The following IQCM variants were observed in gnomAD, a reference collection of about 807,000 sequenced individuals.
IQCM encodes IQ domain-containing protein M.
IQCM carries 45 observed loss-of-function variants against 57.6 expected under a neutral mutation model. The observed-to-expected ratio is 0.78, with a 90% CI of 0.62 to 1.00. IQCM has a LOEUF of 1.00. IQCM is among the 50% of genes least tolerant of loss of function. IQCM has a pLI of 0.00. For missense variants in IQCM, 468 were observed against 511.6 expected (o/e 0.91, Z 0.82); for synonymous variants, 148 against 158.9 (o/e 0.93, Z 0.51).
chr4:149,694,361 A>G (rs1211379833), intron 5 of IQCM, among the ~76,000 whole-genome samples: 2 of 149,352 alleles, frequency 1.3e-5, no homozygotes, highest in Non-Finnish European at 3.0e-5. Context: ...AGTAGCTGGG[A>G]CTACAGGCGC....
At chr4:149,362,445 GGGACCCATGGGGA>G (rs1159698000) in intron 13 of IQCM, among the ~76,000 whole-genome samples, 6 of 152,226 alleles carry the variant, frequency 3.9e-5, no homozygotes, top group Middle Eastern at 3.4e-3. Flanking sequence ...TGTTGTGGGA[GGGACCCATGGGGA>G]GGTAATTGAA....
At chr4:149,730,056 C>T (rs894432808) in intron 5 of IQCM, among the ~76,000 whole-genome samples, 3 of 152,150 alleles carry the variant, frequency 2.0e-5, no homozygotes, top group African/African-American at 7.2e-5. Context: ...TCAGTAGGTA[C>T]ATGGTCTAGA....
chr4:149,724,466 CTCTT>C (rs1449632145), intron 5 of IQCM, among the ~76,000 whole-genome samples: 2 of 151,852 alleles, frequency 1.3e-5, no homozygotes, highest in Admixed American at 6.6e-5. Flanking sequence ...TAAACACTCT[CTCTT>C]TCTCTCTCTC....
chr4:149,661,151 G>C (rs1760168085), intron 7 of IQCM, among the ~76,000 whole-genome samples: 1 of 151,990 alleles, frequency 6.6e-6, no homozygotes, highest in Non-Finnish European at 1.5e-5. Flanking sequence ...AATTTGTTGA[G>C]AGTTTTTATC....
intron 13 of IQCM, among the ~76,000 whole-genome samples, chr4:149,368,761 T>C (rs1269406761): frequency 2.3e-4 from 27 of 116,668 alleles, no homozygotes; most frequent in Middle Eastern, 4.7e-3. Context: ...TACATGTATA[T>C]ATATATATAC....
intron 2 of IQCM, among the ~76,000 whole-genome samples, chr4:149,761,940 G>T (rs948007565): frequency 6.6e-6 from 1 of 151,980 alleles, no homozygotes; most frequent in Non-Finnish European, 1.5e-5. Flanking sequence ...TTTATGAAAA[G>T]AGTTATATGA....
intron 8 of IQCM, among the ~76,000 whole-genome samples, chr4:149,596,992 C>A (rs940923662): frequency 6.6e-6 from 1 of 151,852 alleles, no homozygotes; most frequent in Non-Finnish European, 1.5e-5. Context: ...ATATTCAGAA[C>A]CTCAAAGACT....
chr4:149,607,170 A>G (rs560696632), intron 8 of IQCM, among the ~76,000 whole-genome samples: 1 of 152,294 alleles, frequency 6.6e-6, no homozygotes, highest in South Asian at 2.1e-4. Flanking sequence ...AGTAAAAGAA[A>G]AAAAAAGCAA....
At chr4:149,557,808 T>C (rs1301260928) in intron 10 of IQCM, among the ~76,000 whole-genome samples, 2 of 152,246 alleles carry the variant, frequency 1.3e-5, no homozygotes, top group South Asian at 4.1e-4. Context: ...GTCCGTATAA[T>C]ATGGATTATC....
At chr4:149,813,437 G>A (rs777363292) in intron 2 of IQCM, among the ~76,000 whole-genome samples, 6 of 152,098 alleles carry the variant, frequency 3.9e-5, no homozygotes, top group Non-Finnish European at 5.9e-5. Flanking sequence ...TGGACAAGAA[G>A]TAATTGAAGT....
chr4:149,405,871 C>CATATAT (rs1416070491), intron 13 of IQCM, among the ~76,000 whole-genome samples: 1 of 93,998 alleles, frequency 1.1e-5, no homozygotes, highest in Admixed American at 1.4e-4. Context: ...TATCTCTCTC[C>CATATAT]ATATATATAT....
intron 2 of IQCM, chr4:149,793,555 T>C (rs897416268): frequency 2.0e-5 from 3 of 152,188 alleles, no homozygotes; most frequent in African/African-American, 7.2e-5. Flanking sequence ...ATGAATTTGC[T>C]TTTAGTTTTT....
At chr4:149,792,137 T>C (rs1772681129) in intron 2 of IQCM, among the ~76,000 whole-genome samples, 1 of 152,172 alleles carries the variant, frequency 6.6e-6, no homozygotes, top group African/African-American at 2.4e-5. Context: ...TGCCACTTTT[T>C]AATGTATGAT....
At chr4:149,435,341 G>A (rs991971054) in intron 12 of IQCM, among the ~76,000 whole-genome samples, 1 of 151,988 alleles carries the variant, frequency 6.6e-6, no homozygotes, top group Non-Finnish European at 1.5e-5. Flanking sequence ...ACAAAACGGA[G>A]CTAAAATGCC....
At chr4:149,732,246 A>G (rs1379509623) in intron 5 of IQCM, among the ~76,000 whole-genome samples, 1 of 152,076 alleles carries the variant, frequency 6.6e-6, no homozygotes, top group African/African-American at 2.4e-5. Context: ...ATTTCCTACC[A>G]CATCTCTCCC....
intron 7 of IQCM, among the ~76,000 whole-genome samples, chr4:149,628,467 G>A (rs564212997): frequency 7.9e-5 from 12 of 152,124 alleles, no homozygotes; most frequent in South Asian, 2.1e-4. Context: ...AATATCAAAT[G>A]ACTGGATTTG....
chr4:149,687,024 A>T (rs1028570436), intron 5 of IQCM, among the ~76,000 whole-genome samples: 1 of 151,670 alleles, frequency 6.6e-6, no homozygotes, highest in South Asian at 2.1e-4. Context: ...TAAAATACTC[A>T]TTACTTTCTA....
At chr4:149,463,317 C>T (rs553785576) in intron 12 of IQCM, among the ~76,000 whole-genome samples, 5 of 152,152 alleles carry the variant, frequency 3.3e-5, no homozygotes, top group African/African-American at 1.2e-4. Context: ...AAACAGAAGC[C>T]GAATGCAATA....
At chr4:149,746,037 G>A (rs1307782485) in intron 2 of IQCM, among the ~76,000 whole-genome samples, 3 of 148,244 alleles carry the variant, frequency 2.0e-5, no homozygotes, top group African/African-American at 7.6e-5. Context: ...GTATTCTTTT[G>A]GCAAAAAAAA....
Sources: allele counts gnomAD v4.1 joint callset (sites outside exome capture counted in the v4.1 genomes callset), GRCh38; gene constraint gnomAD v4.1.1; transcripts MANE v1.5; gene names NCBI Gene and HGNC (gene_info 2026-07-23, HGNC 2026-07-21).